The following SNX29 variants were observed in gnomAD, a reference collection of about 807,000 sequenced individuals.
The protein encoded by SNX29 is sorting nexin 29, also known as sorting nexin-29.
SNX29 carries 78 observed loss-of-function variants against 102.1 expected under a neutral mutation model. The observed-to-expected ratio is 0.76, with a 90% CI of 0.64 to 0.92. SNX29 has a LOEUF of 0.92. Among genes scored for constraint, SNX29 ranks in the 40% least tolerant of loss-of-function variants. The pLI is 0.00. For synonymous variants in SNX29, 580 were observed against 414.5 expected, an observed-to-expected ratio of 1.40 and a Z score of -4.85; for missense variants, 1,280 against 1,061.7, an observed-to-expected ratio of 1.21 and a Z score of -2.86.
intron 13 of SNX29, among the ~76,000 whole-genome samples, chr16:12,153,251 A>G (rs2055375784): frequency 1.3e-5 from 2 of 152,090 alleles, no homozygotes; most frequent in Non-Finnish European, 2.9e-5. Context: ...CAACAGAGCA[A>G]GACCCTGTCT....
chr16:12,462,173 A>T (rs2086835723), intron 18 of SNX29, among the ~76,000 whole-genome samples: 1 of 151,238 alleles, frequency 6.6e-6, no homozygotes, highest in African/African-American at 2.4e-5. Flanking sequence ...TCTAGTCCCC[A>T]GCGAGCTCTC....
In SNX29 at chr16:12,572,604, C is replaced by G. The variant is rs3803608; in HGVS notation, c.*3975C>G. On this transcript the variant is annotated 3_prime_UTR_variant, in exon 21 of 21. Transcript: ENST00000566228. ...TCTCTGGGCTCCCAGTGAGCCCCCT[C>G]CCCTCCGGCTACCCCCAGAATCCAT... The G allele has an allele frequency of 0.61, 645,496 of 1,063,754 alleles. 197,036 individuals carry two copies. Among genetic ancestry groups the G allele is most frequent in the African/African-American group, 0.69 (41,802 of 61,008 alleles). The allele number at this position is 1,063,754 out of a possible 1,614,324, so 65.9% of individuals were successfully genotyped here.
At chr16:12,536,725 C>G (rs975555679) in intron 20 of SNX29, among the ~76,000 whole-genome samples, 2 of 152,176 alleles carry the variant, frequency 1.3e-5, no homozygotes, top group African/African-American at 4.8e-5. Flanking sequence ...CGCCTGTAAT[C>G]TCAACACTTT....
chr16:12,556,127 C>T (rs961101802), intron 20 of SNX29, among the ~76,000 whole-genome samples: 1 of 152,128 alleles, frequency 6.6e-6, no homozygotes, highest in African/African-American at 2.4e-5. Flanking sequence ...CTCTTATGTT[C>T]TCAAAGTGAT....
chr16:12,177,981 T>C (rs999531697), intron 13 of SNX29, among the ~76,000 whole-genome samples: 3 of 152,234 alleles, frequency 2.0e-5, no homozygotes, highest in Admixed American at 2.0e-4. Context: ...TGTGCAGAGA[T>C]GGTTAGCTGG....
rs372137503 is a variant in SNX29 at position 12,318,647 on chromosome 16, C to T, written c.1783-37516C>T. 1.5e-4 allele frequency among the ~76,000 whole-genome samples: 23 copies of T among 152,132 alleles called. No homozygotes were observed. In the East Asian group the frequency reaches 2.3e-3, roughly 15 times the overall value. The stretch of plus-strand genomic sequence containing the variant: ...TGTTCCTGGACCAAACCGAGGGTTG[C>T]GCTGCTTGTTCTTATGGCCCAATAA... On this transcript the variant is annotated intron_variant, in intron 15 of 20. Coordinates refer to ENST00000566228, the MANE Select transcript of SNX29 (RefSeq NM_032167.5).
chr16:12,142,401 A>G lies in SNX29; in HGVS notation c.1595+12643A>G, dbSNP rs76323653. Among the ~76,000 whole-genome samples, 1,227 of 142,518 alleles carry G rather than the reference A, an allele frequency of 8.6e-3. 18 individuals carry two copies. The highest frequency in any genetic ancestry group is 0.03 in the African/African-American group (1,169 of 39,338). 93.5% of individuals were successfully genotyped at this position (142,518 alleles called of 152,430 possible). A position where few individuals can be genotyped will look rare whatever the true frequency, so the allele number is the denominator to read the frequency against. ...CTCATGATGTACCCCAGAGCAGCCA[A>G]GGAGCGTTGAGTGCATGGGGTGGGT... On this transcript the variant is annotated intron_variant, in intron 13 of 20. Transcript: ENST00000566228.
In SNX29 at chr16:12,364,330, C is replaced by G. The variant is rs2082396358; in HGVS notation, c.1899+8051C>G. Among the ~76,000 whole-genome samples, 5 of 152,166 alleles carry G rather than the reference C, an allele frequency of 3.3e-5. No individual in the cohort carries two copies. The South Asian group carries it at 1.0e-3, about 32-fold the overall frequency. On this transcript the variant is annotated intron_variant, in intron 16 of 20. Coordinates refer to ENST00000566228, the MANE Select transcript of SNX29 (RefSeq NM_032167.5). ...TGCTGGGATTATAGGTGTGAGCCAC[C>G]AAACTTGGCCTGTGTATCCTTTTAA...
chr16:12,168,962 C>T (rs190862282), intron 13 of SNX29, among the ~76,000 whole-genome samples: 4 of 152,180 alleles, frequency 2.6e-5, no homozygotes, highest in Non-Finnish European at 5.9e-5. Flanking sequence ...TTCTGACCTG[C>T]ACGTGCTGGG....
intron 18 of SNX29, among the ~76,000 whole-genome samples, chr16:12,442,640 G>C (rs1293775584): frequency 6.6e-6 from 1 of 151,740 alleles, no homozygotes; most frequent in Non-Finnish European, 1.5e-5. Flanking sequence ...ACCCAGGCTG[G>C]AGCGCAGTGG....
intron 17 of SNX29, among the ~76,000 whole-genome samples, chr16:12,398,867 G>A (rs910806816): frequency 4.6e-5 from 7 of 152,150 alleles, no homozygotes; most frequent in African/African-American, 1.2e-4. Context: ...GGCATGTGCC[G>A]TCCAATTGAC....
chr16:12,500,032 C>T (rs1052912693), intron 19 of SNX29, among the ~76,000 whole-genome samples: 1 of 151,954 alleles, frequency 6.6e-6, no homozygotes, highest in Non-Finnish European at 1.5e-5. Flanking sequence ...TGCACTGTCA[C>T]CCAGGTAGGA....
At chr16:12,514,225 A>C (rs1287437734) in intron 19 of SNX29, among the ~76,000 whole-genome samples, 1 of 152,172 alleles carries the variant, frequency 6.6e-6, no homozygotes, top group Non-Finnish European at 1.5e-5. Context: ...TCATAGAAGG[A>C]ATAGCTGATT....
chr16:12,551,771 G>A (rs1370927978), intron 20 of SNX29, among the ~76,000 whole-genome samples: 1 of 152,186 alleles, frequency 6.6e-6, no homozygotes, highest in African/African-American at 2.4e-5. Context: ...CACATACCAG[G>A]GGCCCGCTTC....
At chr16:12,195,161 ATG>A (rs1033395154) in intron 13 of SNX29, among the ~76,000 whole-genome samples, 1 of 152,056 alleles carries the variant, frequency 6.6e-6, no homozygotes, top group African/African-American at 2.4e-5. Flanking sequence ...GTGAGTATAT[ATG>A]TGTGTGTGTG....
At chr16:12,553,874 C>A (rs564807280) in intron 20 of SNX29, among the ~76,000 whole-genome samples, 1 of 151,998 alleles carries the variant, frequency 6.6e-6, no homozygotes, top group Non-Finnish European at 1.5e-5. Context: ...GATGGAGTCT[C>A]ACTCTTTTGC....
intron 11 of SNX29, among the ~76,000 whole-genome samples, chr16:12,082,698 C>G (rs191208452): frequency 6.6e-6 from 1 of 152,074 alleles, no homozygotes; most frequent in African/African-American, 2.4e-5. Flanking sequence ...TTGGTAGAAA[C>G]GTGGTCTGTG....
At chr16:12,517,101 G>A (rs777737833) in intron 19 of SNX29, among the ~76,000 whole-genome samples, 1 of 152,166 alleles carries the variant, frequency 6.6e-6, no homozygotes, top group African/African-American at 2.4e-5. Flanking sequence ...CATCATTGAC[G>A]ATGGCGTTAT....
chr16:12,551,796 A>G (rs3859033), intron 20 of SNX29, among the ~76,000 whole-genome samples: 66,163 of 151,868 alleles, frequency 0.44, 15,297 homozygotes, highest in East Asian at 0.78. Context: ...GCACATGGGC[A>G]TCAAACTTCT....
Sources: allele counts gnomAD v4.1 joint callset (sites outside exome capture counted in the v4.1 genomes callset), GRCh38; gene constraint gnomAD v4.1.1; transcripts MANE v1.5; gene names NCBI Gene and HGNC (gene_info 2026-07-23, HGNC 2026-07-21).